Variants in ZNF484 observed in about 807,000 individuals in gnomAD.
ZNF484 encodes KRAB box containing C2H2 type zinc finger bA526D8.4.
ZNF484 carries 11 observed loss-of-function variants against 12.9 expected under a neutral mutation model. The observed-to-expected ratio is 0.85, with a 90% CI of 0.54 to 1.41. The LOEUF (loss-of-function observed/expected upper bound fraction) is 1.41. ZNF484 is among the 40% of genes most tolerant of loss of function. The pLI is 0.00. For synonymous variants in ZNF484, 289 were observed against 334.1 expected (o/e 0.86, Z 1.47); for missense variants, 807 against 1,007.7 (o/e 0.80, Z 2.70).
chr9:92,864,769 G>T (rs754401412), intron 2 of ZNF484, among the ~76,000 whole-genome samples: 2 of 151,862 alleles, frequency 1.3e-5, no homozygotes, highest in Non-Finnish European at 2.9e-5. Context: ...ACCTACACAC[G>T]CATGGGAGAC....
chr9:92,862,511 G>A (rs1367837751), intron 2 of ZNF484, among the ~76,000 whole-genome samples: 1 of 152,034 alleles, frequency 6.6e-6, no homozygotes, highest in Admixed American at 6.5e-5. Context: ...GTAGGGCAAA[G>A]TGATTTTTAG....
intron 4 of ZNF484, among the ~76,000 whole-genome samples, chr9:92,854,586 G>A (rs944881074): frequency 2.6e-5 from 4 of 152,152 alleles, no homozygotes; most frequent in African/African-American, 4.8e-5. Context: ...GTGCAGTGGC[G>A]GGCGCCTGTA....
chr9:92,875,449 A>C (rs540943618), intron 1 of ZNF484, among the ~76,000 whole-genome samples: 1 of 152,182 alleles, frequency 6.6e-6, no homozygotes, highest in Non-Finnish European at 1.5e-5. Flanking sequence ...ATTGGTGCCC[A>C]GAGACTACTC....
intron 2 of ZNF484, among the ~76,000 whole-genome samples, chr9:92,860,689 CCTT>C (rs2118027754): frequency 6.6e-6 from 1 of 151,508 alleles, no homozygotes; most frequent in African/African-American, 2.4e-5. Flanking sequence ...GCATCCTTTG[CCTT>C]CTTCACAAAC....
At chr9:92,871,020 A>G (rs1404814629) in intron 2 of ZNF484, among the ~76,000 whole-genome samples, 1 of 152,246 alleles carries the variant, frequency 6.6e-6, no homozygotes, top group African/African-American at 2.4e-5. Context: ...ATAATGCCCA[A>G]GGTTTCCACA....
intron 2 of ZNF484, among the ~76,000 whole-genome samples, chr9:92,867,529 G>T (rs1159003210): frequency 6.6e-6 from 1 of 152,046 alleles, no homozygotes; most frequent in Non-Finnish European, 1.5e-5. Context: ...AACAAACCTA[G>T]ATGACAGGTT....
intron 2 of ZNF484, among the ~76,000 whole-genome samples, chr9:92,867,071 C>T (rs1295295563): frequency 1.3e-5 from 2 of 152,054 alleles, no homozygotes; most frequent in Non-Finnish European, 2.9e-5. Context: ...TGATGGGGGC[C>T]GGGCATGGTG....
chr9:92,852,034 A>G (rs781401801), intron 4 of ZNF484, among the ~76,000 whole-genome samples: 14 of 152,230 alleles, frequency 9.2e-5, no homozygotes, highest in African/African-American at 1.7e-4. Flanking sequence ...ATTGCTCCTA[A>G]AAGAAAAATT....
intron 1 of ZNF484, among the ~76,000 whole-genome samples, chr9:92,877,546 CG>C (rs1328684448): frequency 1.3e-5 from 2 of 150,878 alleles, no homozygotes; most frequent in African/African-American, 4.9e-5. Context: ...CAGATCGGTA[CG>C]TATAAAAGAG....
chr9:92,859,374 A>G (rs990808708), intron 2 of ZNF484, among the ~76,000 whole-genome samples: 1 of 152,202 alleles, frequency 6.6e-6, no homozygotes, highest in Admixed American at 6.5e-5. Context: ...AAAAGAAAGT[A>G]GAACCTAAGG....
At chr9:92,854,652 G>T (rs1856328027) in intron 4 of ZNF484, among the ~76,000 whole-genome samples, 2 of 152,202 alleles carry the variant, frequency 1.3e-5, no homozygotes, top group African/African-American at 4.8e-5. Flanking sequence ...GGGAGGTGGA[G>T]CTTGCAGTGA....
At chr9:92,867,101 G>C (rs1289494222) in intron 2 of ZNF484, among the ~76,000 whole-genome samples, 1 of 152,186 alleles carries the variant, frequency 6.6e-6, no homozygotes, top group African/African-American at 2.4e-5. Flanking sequence ...TGTAATCCCA[G>C]CACTTTGGGA....
intron 2 of ZNF484, among the ~76,000 whole-genome samples, chr9:92,866,901 G>A (rs1014662239): frequency 2.0e-5 from 3 of 152,196 alleles, no homozygotes; most frequent in South Asian, 4.2e-4. Flanking sequence ...ACAGAAATCC[G>A]AACACTGCAT....
intron 4 of ZNF484, among the ~76,000 whole-genome samples, chr9:92,849,615 C>T (rs980977807): frequency 1.3e-5 from 2 of 152,020 alleles, no homozygotes; most frequent in Admixed American, 6.6e-5. Flanking sequence ...GTGAGACCCC[C>T]ATCTCTACAG....
Position 92,846,430 on chromosome 9 carries a change from G to A in ZNF484, c.2357C>T (p.Thr786Ile), listed in dbSNP as rs1855598893. 6 of 1,614,128 alleles carry A rather than the reference G, an allele frequency of 3.7e-6. No individual in the cohort carries two copies. In the East Asian group the frequency reaches 1.3e-4, roughly 36 times the overall value. ...YICAECGKAF[T>I]IRSNLIKHQK... ...GTGTTTAATAAGATTTGATCTGATGGTGAAGGCCTTTCCACACTCAGCACA... is the reference window on the plus strand; with the variant it reads ...GTGTTTAATAAGATTTGATCTGATGATGAAGGCCTTTCCACACTCAGCACA... Residue 786 changes from threonine (T) to isoleucine (I), a missense_variant, in exon 5 of 5, where the codon ACC (threonine) becomes ATC (isoleucine). Coordinates refer to ENST00000375495, the MANE Select transcript of ZNF484 (RefSeq NM_031486.4).
chr9:92,873,121 T>C (rs1276765629), intron 2 of ZNF484, among the ~76,000 whole-genome samples: 1 of 152,108 alleles, frequency 6.6e-6, no homozygotes, highest in Admixed American at 6.5e-5. Flanking sequence ...ACAGGTGGCC[T>C]TACAGAGAGA....
At chr9:92,852,512 G>C (rs1360397080) in intron 4 of ZNF484, among the ~76,000 whole-genome samples, 8 of 144,316 alleles carry the variant, frequency 5.5e-5, no homozygotes, top group Non-Finnish European at 1.2e-4. Flanking sequence ...TTACAGGCGT[G>C]AGCCACCACG....
intron 4 of ZNF484, among the ~76,000 whole-genome samples, chr9:92,854,513 C>G (rs915252767): frequency 2.0e-5 from 3 of 152,100 alleles, no homozygotes; most frequent in Non-Finnish European, 4.4e-5. Context: ...GTCAGGAGAT[C>G]GAGACCATCC....
In ZNF484 at chr9:92,847,429, GA is replaced by G; in HGVS notation, c.1357del (p.Ser453HisfsTer115). The G allele has an allele frequency of 6.2e-7, 1 of 1,613,702 alleles. No individual in the cohort carries two copies. The highest frequency in any genetic ancestry group is 2.2e-5 in the East Asian group (1 of 44,856). ...AATTCGCTGATGCACATGGAGTTGT[GA>G]TTTTTTAATAAAGGATTTCCCACAG... ...SDCGKSFIKK[S>X]QLHVHQRIHT... On this transcript the variant is annotated frameshift_variant, in exon 5 of 5. Transcript: ENST00000375495. LOFTEE classifies it low-confidence loss of function (END_TRUNC).
Sources: allele counts gnomAD v4.1 joint callset (sites outside exome capture counted in the v4.1 genomes callset), GRCh38; gene constraint gnomAD v4.1.1; transcripts MANE v1.5; gene names NCBI Gene and HGNC (gene_info 2026-07-23, HGNC 2026-07-21).